Variants in CAMTA1 observed in about 807,000 individuals in gnomAD.
CAMTA1 encodes calmodulin-binding transcription activator 1.
Under a neutral mutation model 170.9 loss-of-function variants are expected in CAMTA1, and 27 were observed. The observed-to-expected ratio is 0.16, with a 90% CI of 0.12 to 0.22. CAMTA1 has a LOEUF of 0.22. Among genes scored for constraint, CAMTA1 ranks in the 10% least tolerant of loss-of-function variants. The pLI, the probability that CAMTA1 is intolerant of heterozygous loss-of-function variation, is 1.00. For synonymous variants in CAMTA1, 833 were observed against 891.5 expected (o/e 0.93, Z 1.17); for missense variants, 1,619 against 2,217.2 (o/e 0.73, Z 5.42).
intron 11 of CAMTA1, among the ~76,000 whole-genome samples, chr1:7,714,401 C>T (rs1173797712): frequency 1.3e-5 from 2 of 152,228 alleles, no homozygotes; most frequent in African/African-American, 2.4e-5. Context: ...CACATTGGAC[C>T]TTTGCTGAAT....
chr1:7,607,752 A>C (rs2095497354), intron 6 of CAMTA1, among the ~76,000 whole-genome samples: 1 of 152,172 alleles, frequency 6.6e-6, no homozygotes, highest in Admixed American at 6.5e-5. Flanking sequence ...CTTTCCTCAA[A>C]TCTTTGAAAG....
intron 6 of CAMTA1, among the ~76,000 whole-genome samples, chr1:7,503,632 G>A (rs899908464): frequency 8.5e-5 from 13 of 152,210 alleles, no homozygotes; most frequent in East Asian, 3.9e-4. Context: ...TTCATAAGAC[G>A]CCTGGTGGTG....
chr1:7,021,908 C>A (rs1455804857), intron 3 of CAMTA1, among the ~76,000 whole-genome samples: 2 of 152,176 alleles, frequency 1.3e-5, no homozygotes, highest in Non-Finnish European at 2.9e-5. Flanking sequence ...AACAGTGCAA[C>A]AGCCACCGCC....
intron 1 of CAMTA1, among the ~76,000 whole-genome samples, chr1:6,788,603 A>G (rs1236634542): frequency 1.3e-5 from 2 of 152,170 alleles, no homozygotes; most frequent in African/African-American, 4.8e-5. Context: ...AACTTCGGAA[A>G]AACGAAGAGT....
chr1:7,718,698 C>T (rs1423959319), intron 11 of CAMTA1, among the ~76,000 whole-genome samples: 3 of 151,784 alleles, frequency 2.0e-5, no homozygotes, highest in Non-Finnish European at 4.4e-5. Context: ...GCTGAGAATA[C>T]GGGCACATGC....
intron 5 of CAMTA1, among the ~76,000 whole-genome samples, chr1:7,454,119 A>G (rs1170663628): frequency 2.0e-5 from 3 of 152,176 alleles, no homozygotes; most frequent in Non-Finnish European, 4.4e-5. Flanking sequence ...TTCTGTTTGC[A>G]CTTGGGCAGG....
intron 3 of CAMTA1, among the ~76,000 whole-genome samples, chr1:7,045,614 A>G (rs1460098701): frequency 6.6e-6 from 1 of 152,234 alleles, no homozygotes; most frequent in African/African-American, 2.4e-5. Flanking sequence ...CTGGAAGGGG[A>G]GGCCCTAGAA....
chr1:7,400,753 T>C (rs1050293136), intron 5 of CAMTA1, among the ~76,000 whole-genome samples: 1 of 152,198 alleles, frequency 6.6e-6, no homozygotes, highest in African/African-American at 2.4e-5. Flanking sequence ...TGTATCAATA[T>C]CAGTGATGCC....
rs1425483556 is a variant in CAMTA1 at position 7,010,295 on chromosome 1, C to A, written c.235-81009C>A. Among the ~76,000 whole-genome samples, 1 of 152,166 alleles carries A rather than the reference C, an allele frequency of 6.6e-6. No individual in the cohort carries two copies. Among genetic ancestry groups the A allele is most frequent in the South Asian group, 2.1e-4 (1 of 4,830 alleles). ...CCAGGGCCGGCTCCTGGGCCGCCCC[C>A]TCACTCGGCGTCCAGTGCTCAGGCC... On this transcript the variant is annotated intron_variant, in intron 3 of 22. Coordinates refer to ENST00000303635, the MANE Select transcript of CAMTA1 (RefSeq NM_015215.4). This position sits in a 1 kb window ranked among gnomAD's most constrained non-coding sequence, Gnocchi z 4.4.
chr1:7,163,308 T>G (rs1647628861), intron 4 of CAMTA1, among the ~76,000 whole-genome samples: 1 of 98,140 alleles, frequency 1.0e-5, no homozygotes, highest in African/African-American at 4.0e-5. Flanking sequence ...GGGGGAAAGG[T>G]CACTGGATGG....
rs557032340 is a variant in CAMTA1, at chr1:6,898,110, G to C, written c.234+72900G>C. ...TCTTATTTCTTGTCTTGGTACTTCAGTTGGCTCATTAAATATTTCTTAAAA... is the reference window on the plus strand; with the variant it reads ...TCTTATTTCTTGTCTTGGTACTTCACTTGGCTCATTAAATATTTCTTAAAA... On this transcript the variant is annotated intron_variant, in intron 3 of 22. Transcript: ENST00000303635. Among the ~76,000 whole-genome samples, 5 of 152,262 alleles carry C rather than the reference G, an allele frequency of 3.3e-5. No individual in the cohort carries two copies. In the South Asian group the frequency reaches 8.3e-4, roughly 25 times the overall value.
chr1:7,489,063 C>T (rs1284670745), intron 6 of CAMTA1, among the ~76,000 whole-genome samples: 1 of 152,232 alleles, frequency 6.6e-6, no homozygotes, highest in Non-Finnish European at 1.5e-5. Context: ...AATCTGAGCT[C>T]TCCCCACCTC....
rs946749306 is a variant in CAMTA1 at position 7,093,159 on chromosome 1, T to G, written c.302+1788T>G. ...TTCTTGGAGGACATCATTCTCAAAC[T>G]TGAGCAGGCATCAGAATCAGCTGAG... On this transcript the variant is annotated intron_variant, in intron 4 of 22. Coordinates refer to ENST00000303635, the MANE Select transcript of CAMTA1 (RefSeq NM_015215.4). The surrounding 1 kb of genome is among the most constrained non-coding windows in gnomAD (Gnocchi z 4.6). Among the ~76,000 whole-genome samples the G allele has an allele frequency of 5.3e-5, 8 of 152,182 alleles. No individual in the cohort carries two copies. The highest frequency in any genetic ancestry group is 1.9e-4 in the African/African-American group (8 of 41,436).
chr1:7,680,313 A>G lies in CAMTA1; in HGVS notation c.2914+2580A>G. On this transcript the variant is annotated intron_variant, in intron 11 of 22. Transcript: ENST00000303635. This position sits in a 1 kb window ranked among gnomAD's most constrained non-coding sequence, Gnocchi z 4.4. The stretch of plus-strand genomic sequence containing the variant: ...TCCCGTCCCCGCGGGCGCTGGGCCG[A>G]TTCTCCCTCCGCGCTGGCCAGGCCG... 5.4e-6 allele frequency: 1 copy of G among 184,500 alleles called. No individual in the cohort carries two copies. Among genetic ancestry groups the G allele is most frequent in the Non-Finnish European group, 1.2e-5 (1 of 84,728 alleles). The allele number at this position is 184,500 out of a possible 1,614,324, so 11.4% of individuals were successfully genotyped here. A position where few individuals can be genotyped will look rare whatever the true frequency, so the allele number is the denominator to read the frequency against.
chr1:7,029,054 T>C (rs991541529), intron 3 of CAMTA1, among the ~76,000 whole-genome samples: 1 of 152,210 alleles, frequency 6.6e-6, no homozygotes, highest in Non-Finnish European at 1.5e-5. Context: ...CCTATGAGCC[T>C]CAGTTTCCTT....
At chr1:7,726,353 G>T (rs1466792221) in intron 11 of CAMTA1, among the ~76,000 whole-genome samples, 1 of 152,110 alleles carries the variant, frequency 6.6e-6, no homozygotes, top group Non-Finnish European at 1.5e-5. Flanking sequence ...CACCCCGCAG[G>T]ATACAAACTA....
intron 3 of CAMTA1, among the ~76,000 whole-genome samples, chr1:6,959,150 T>A (rs1220150005): frequency 6.6e-6 from 1 of 152,210 alleles, no homozygotes. Context: ...AACATGCTCA[T>A]CCTTGGTTCA....
At chr1:7,671,592 T>C (rs2096061135) in intron 10 of CAMTA1, among the ~76,000 whole-genome samples, 1 of 151,952 alleles carries the variant, frequency 6.6e-6, no homozygotes, top group Non-Finnish European at 1.5e-5. Context: ...TGATGGGAGG[T>C]CAATCTAACA....
intron 4 of CAMTA1, 70 bp downstream of exon 4, chr1:7,091,441 T>C (rs1443549562): frequency 8.2e-7 from 1 of 1,226,250 alleles, no homozygotes; most frequent in Non-Finnish European, 1.2e-6. Flanking sequence ...GATTACCTGA[T>C]TTGGCCAGTG....
Sources: allele counts gnomAD v4.1 joint callset (sites outside exome capture counted in the v4.1 genomes callset), GRCh38; gene constraint gnomAD v4.1.1; non-coding constraint Gnocchi (gnomAD v3.1); transcripts MANE v1.5; gene names NCBI Gene and HGNC (gene_info 2026-07-23, HGNC 2026-07-21).